PIK3CA: variants seen among roughly 807,000 people sequenced by gnomAD.
The protein encoded by PIK3CA is phosphatidylinositol 4,5-bisphosphate 3-kinase catalytic subunit alpha isoform.
A neutral mutation model predicts 138.2 loss-of-function variants in PIK3CA; 27 were observed. The ratio of observed to expected loss-of-function variants is 0.20; its 90% CI spans 0.14 to 0.27. The LOEUF is 0.27. Among genes scored for constraint, PIK3CA ranks in the 10% least tolerant of loss-of-function variants. PIK3CA has a pLI of 1.00. For missense variants in PIK3CA, 544 were observed against 1,277.4 expected, an observed-to-expected ratio of 0.43 and a Z score of 8.75; for synonymous variants, 358 against 413.2, an observed-to-expected ratio of 0.87 and a Z score of 1.62.
At chr3:179,184,036 A>G (rs1723913505) in intron 1 of PIK3CA, among the ~76,000 whole-genome samples, 1 of 152,260 alleles carries the variant, frequency 6.6e-6, no homozygotes, top group East Asian at 1.9e-4. Flanking sequence ...TTCACAGCAC[A>G]TACTACTAAA....
chr3:179,151,823 C>T (rs773660108), intron 1 of PIK3CA, among the ~76,000 whole-genome samples: 26 of 152,332 alleles, frequency 1.7e-4, no homozygotes, highest in Non-Finnish European at 2.8e-4. Flanking sequence ...CACATCACCT[C>T]CTTTGAAAAG....
chr3:179,224,305 C>A, intron 15 of PIK3CA, 118 bp downstream of exon 15: 1 of 560,432 alleles, frequency 1.8e-6, no homozygotes, highest in South Asian at 2.7e-5. Context: ...GCTTCTCTCT[C>A]TCATTCTCCT....
chr3:179,221,543 G>T (rs1232461100), intron 14 of PIK3CA, among the ~76,000 whole-genome samples: 2 of 151,660 alleles, frequency 1.3e-5, no homozygotes, highest in Non-Finnish European at 2.9e-5. Flanking sequence ...GTCATTTATT[G>T]TCTCTCAGTA....
At chr3:179,167,704 C>G (rs561776898) in intron 1 of PIK3CA, among the ~76,000 whole-genome samples, 10 of 152,168 alleles carry the variant, frequency 6.6e-5, no homozygotes, top group African/African-American at 2.2e-4. Context: ...AGTTGGATTT[C>G]TTTCTCTGAA....
intron 1 of PIK3CA, among the ~76,000 whole-genome samples, chr3:179,150,292 C>T (rs1034986226): frequency 1.3e-5 from 2 of 151,722 alleles, no homozygotes; most frequent in African/African-American, 2.4e-5. Context: ...CTTTTTCAAA[C>T]TAGAGTACTT....
intron 1 of PIK3CA, among the ~76,000 whole-genome samples, chr3:179,156,319 C>T (rs1229502048): frequency 6.6e-6 from 1 of 152,158 alleles, no homozygotes. Flanking sequence ...AATTAAATGA[C>T]TGCCAGACAT....
At chr3:179,161,653 C>T (rs529648282) in intron 1 of PIK3CA, among the ~76,000 whole-genome samples, 3 of 152,146 alleles carry the variant, frequency 2.0e-5, no homozygotes, top group Non-Finnish European at 4.4e-5. Context: ...GCTGAGATCA[C>T]GCCACTGCAC....
intron 1 of PIK3CA, among the ~76,000 whole-genome samples, chr3:179,163,237 T>C (rs1340870758): frequency 6.6e-6 from 1 of 152,216 alleles, no homozygotes; most frequent in Non-Finnish European, 1.5e-5. Flanking sequence ...GTTGAAGAGT[T>C]AATTGGAAAA....
rs2108425349 is a variant in PIK3CA, at chr3:179,230,364, G to A, written c.2924G>A (p.Arg975Lys). 6.3e-7 allele frequency: 1 copy of A among 1,598,258 alleles called. No individual in the cohort carries two copies. Among genetic ancestry groups the A allele is most frequent in the African/African-American group, 1.4e-5 (1 of 73,854 alleles). The change falls in exon 20 of 21, where the codon AGA becomes AAA. Residue 975 changes from arginine to lysine, a missense_variant. Transcript: ENST00000263967. This position sits in a 1 kb window ranked among gnomAD's most constrained non-coding sequence, Gnocchi z 5.4. ...SKGAQECTKTREFERFQEMCY... is the reference protein window; with the variant it reads ...SKGAQECTKTKEFERFQEMCY... The stretch of plus-strand genomic sequence containing the variant: ...GGAGCCCAAGAATGCACAAAGACAA[G>A]AGAATTTGAGAGGTGAGCTCGAGCA...
In PIK3CA at chr3:179,236,971, C is replaced by T. The variant is rs757915098; in HGVS notation, c.*2607C>T. ...ATCCTTGTCCTTGAATATGGTGTAACTGACTATTGGCTCTACAGTTTTATT... is the reference window on the plus strand; with the variant it reads ...ATCCTTGTCCTTGAATATGGTGTAATTGACTATTGGCTCTACAGTTTTATT... On this transcript the variant is annotated 3_prime_UTR_variant, in exon 21 of 21. Transcript: ENST00000263967. The T allele has an allele frequency of 5.0e-6, 1 of 200,798 alleles. No homozygotes were observed. The highest frequency in any genetic ancestry group is 1.0e-5 in the Non-Finnish European group (1 of 97,438). 12.4% of individuals were successfully genotyped at this position (200,798 alleles called of 1,614,324 possible). A position where few individuals can be genotyped will look rare whatever the true frequency, so the allele number is the denominator to read the frequency against.
rs2108385494 is a variant in PIK3CA, at chr3:179,198,955, A to G, written c.130A>G (p.Thr44Ala). The change falls in exon 2 of 21, where the codon ACC becomes GCC. Residue 44 changes from threonine (T) to alanine (A), a missense_variant. By Grantham distance (58) the Thr-to-Ala change is moderately conservative. This residue lies in a region of PIK3CA where 47 missense variants were observed against 84.0 expected (regional missense o/e 0.56). Transcript: ENST00000263967. ...ATGCCTCCGTGAGGCTACATTAATAACCATAAAGCATGAACTATTTAAAGA... is the reference window on the plus strand; with the variant it reads ...ATGCCTCCGTGAGGCTACATTAATAGCCATAAAGCATGAACTATTTAAAGA... The part of the protein sequence containing the change: ...LECLREATLI[T>A]IKHELFKEAR... The G allele has an allele frequency of 6.2e-7, 1 of 1,612,878 alleles. No individual in the cohort carries two copies.
At position 179,229,340 on chromosome 3, in the gene PIK3CA, A is replaced by C; in HGVS notation, c.2564A>C (p.His855Pro). Residue 855 changes from histidine (H) to proline (P), a missense_variant, in exon 18 of 21, where the codon CAC becomes CCC. Coordinates refer to ENST00000263967, the MANE Select transcript of PIK3CA (RefSeq NM_006218.4). ...VGLIEVVRNS[H>P]TIMQIQCKGG... is the part of the protein sequence containing the mutation. The stretch of plus-strand genomic sequence containing the variant: ...CTTATTGAGGTGGTGCGAAATTCTC[A>C]CACTATTATGCAAATTCAGTGCAAA... 1 of 1,613,298 alleles carries C rather than the reference A, an allele frequency of 6.2e-7. No individual in the cohort carries two copies. Among genetic ancestry groups the C allele is most frequent in the Non-Finnish European group, 8.5e-7 (1 of 1,179,480 alleles).
intron 15 of PIK3CA, 145 bp downstream of exon 15, chr3:179,224,332 T>C (rs1224094057): frequency 1.8e-6 from 1 of 541,344 alleles, no homozygotes; most frequent in East Asian, 2.8e-5. Context: ...AAAATAAGAG[T>C]AGTATATCTT....
Position 179,236,507 on chromosome 3 carries a change from A to G in PIK3CA, c.*2143A>G, listed in dbSNP as rs1339754016. On this transcript the variant is annotated 3_prime_UTR_variant, in exon 21 of 21. Transcript: ENST00000263967. ...AACTCAGTAAAATGGTACAAATCTG[A>G]AAGTTTGATGGTAGAAACTGAAGAT... 4.5e-6 allele frequency: 1 copy of G among 220,760 alleles called. No homozygotes were observed. The highest frequency in any genetic ancestry group is 1.8e-4 in the South Asian group (1 of 5,502). The allele number at this position is 220,760 out of a possible 1,614,324, so 13.7% of individuals were successfully genotyped here.
chr3:179,195,586 G>A (rs1456798633), intron 1 of PIK3CA, among the ~76,000 whole-genome samples: 3 of 152,052 alleles, frequency 2.0e-5, no homozygotes. Context: ...TGAATCTAGT[G>A]TAGATTCAAA....
At chr3:179,151,887 C>T (rs1352722944) in intron 1 of PIK3CA, among the ~76,000 whole-genome samples, 1 of 152,192 alleles carries the variant, frequency 6.6e-6, no homozygotes, top group African/African-American at 2.4e-5. Context: ...CGTGTACTCC[C>T]ACTGTCATAG....
intron 1 of PIK3CA, among the ~76,000 whole-genome samples, chr3:179,187,601 A>G (rs575601625): frequency 1.7e-4 from 26 of 150,786 alleles, no homozygotes; most frequent in Non-Finnish European, 3.8e-4. Context: ...TCCAAGCACT[A>G]TGCTGAGAAC....
rs549562439 is a variant in PIK3CA at position 179,156,343 on chromosome 3, T to C, written c.-77+7740T>C. Among the ~76,000 whole-genome samples the C allele has an allele frequency of 3.9e-5, 6 of 152,322 alleles. No individual in the cohort carries two copies. In the East Asian group the frequency reaches 1.2e-3, roughly 29 times the overall value. ...ACTGCCAGACATTGAGAGTAGGTCA[T>C]CTACTGCACACCAGTTGCCAGGGTT... On this transcript the variant is annotated intron_variant, in intron 1 of 20. Coordinates refer to ENST00000263967, the MANE Select transcript of PIK3CA (RefSeq NM_006218.4).
At chr3:179,209,502 T>G in intron 6 of PIK3CA, 93 bp from the exon 7 acceptor site, 1 of 673,084 alleles carries the variant, frequency 1.5e-6, no homozygotes, top group Non-Finnish European at 2.5e-6. Context: ...TTTCGTTTGG[T>G]TGATCTTTGT....
Sources: allele counts gnomAD v4.1 joint callset (sites outside exome capture counted in the v4.1 genomes callset), GRCh38; gene constraint gnomAD v4.1.1; regional missense constraint gnomAD v4.1.1; non-coding constraint Gnocchi (gnomAD v3.1); transcripts MANE v1.5; gene names NCBI Gene and HGNC (gene_info 2026-07-23, HGNC 2026-07-21).